The following DOCK6 variants were observed in gnomAD, a reference collection of about 807,000 sequenced individuals.
DOCK6 encodes dedicator of cytokinesis 6.
In DOCK6, 167 loss-of-function variants were observed where a neutral mutation model predicts 230.3. The ratio of observed to expected loss-of-function variants is 0.73; its 90% CI spans 0.64 to 0.82. DOCK6 has a LOEUF of 0.82. Among genes scored for constraint, DOCK6 ranks in the 40% least tolerant of loss-of-function variants. DOCK6 has a pLI of 0.00. For synonymous variants in DOCK6, 1,148 were observed against 1,185.0 expected (o/e 0.97, Z 0.64); for missense variants, 2,598 against 2,825.8 (o/e 0.92, Z 1.83).
intron 1 of DOCK6, among the ~76,000 whole-genome samples, chr19:11,258,318 G>C (rs1483837467): frequency 1.3e-5 from 2 of 152,186 alleles, no homozygotes; most frequent in African/African-American, 4.8e-5. Flanking sequence ...ATGCGGGAGG[G>C]AGCCAGGAAG....
intron 14 of DOCK6, among the ~76,000 whole-genome samples, chr19:11,239,298 T>G (rs1271462585): frequency 6.6e-6 from 1 of 152,192 alleles, no homozygotes; most frequent in East Asian, 1.9e-4. Context: ...AAACCATCAA[T>G]GCTTATAAAA....
At chr19:11,216,853 T>C (rs1291574889) in intron 30 of DOCK6, 61 bp downstream of exon 30, 1 of 1,566,486 alleles carries the variant, frequency 6.4e-7, no homozygotes, top group East Asian at 2.2e-5. Context: ...CGCAGCACGC[T>C]GGGTCCCTGG....
At chr19:11,208,861 T>C in intron 38 of DOCK6, 32 bp from the exon 39 acceptor site, 1 of 1,604,820 alleles carries the variant, frequency 6.2e-7, no homozygotes, top group South Asian at 1.1e-5. Flanking sequence ...CAGACCCTGG[T>C]CCCCACTGCA....
chr19:11,222,168 G>T lies in DOCK6; in HGVS notation c.3321C>A (p.His1107Gln), dbSNP rs1311054867. 7 of 1,611,266 alleles carry T rather than the reference G, an allele frequency of 4.3e-6. No individual in the cohort carries two copies. The change falls in exon 27 of 48, where the codon CAC (histidine) becomes CAA (glutamine). Residue 1107 changes from histidine (H) to glutamine (Q), a missense_variant. Coordinates refer to ENST00000294618, the MANE Select transcript of DOCK6 (RefSeq NM_020812.4). The surrounding 1 kb of genome is among the most constrained non-coding windows in gnomAD (Gnocchi z 4.0). ...CCGTCAGCAGGAGCCCAGCTAGGAA[G>T]TGCTGCTGCCGGAATGGTCCACTCA... ...FELSGPFRQQ[H>Q]FLAGLLLTEL...
rs202108872 is a variant in DOCK6, at chr19:11,235,571, G to A, written c.2554+27C>T. On this transcript the variant is annotated intron_variant, in intron 21 of 47. Coordinates refer to ENST00000294618, the MANE Select transcript of DOCK6 (RefSeq NM_020812.4). ...CAGCCTCTTCTCCCAGATATTTCTC[G>A]TCTCACAGGGATTTCTACAAACTCA... 2.5e-4 allele frequency: 393 copies of A among 1,548,208 alleles called. No homozygotes were observed. In the African/African-American group the frequency reaches 4.5e-3, roughly 18 times the overall value.
chr19:11,226,047 C>T (rs2079659238), intron 24 of DOCK6, among the ~76,000 whole-genome samples: 1 of 151,864 alleles, frequency 6.6e-6, no homozygotes, highest in Non-Finnish European at 1.5e-5. Flanking sequence ...TATCTCCAAA[C>T]AAAAACAAAA....
intron 2 of DOCK6, 113 bp from the exon 3 acceptor site, chr19:11,253,071 C>T: frequency 9.4e-7 from 1 of 1,067,298 alleles, no homozygotes; most frequent in African/African-American, 1.6e-5. Context: ...GCGGTGGGAG[C>T]CATGGAGGGT....
At chr19:11,214,509 C>G (rs758587154) in intron 33 of DOCK6, 44 bp downstream of exon 33, 1 of 1,613,112 alleles carries the variant, frequency 6.2e-7, no homozygotes, top group Non-Finnish European at 8.5e-7. Flanking sequence ...CAGGGCACTG[C>G]AGTTGGGCTC....
At chr19:11,232,185 C>A in intron 22 of DOCK6, 2 of 1,288,682 alleles carry the variant, frequency 1.6e-6, no homozygotes, top group Non-Finnish European at 2.0e-6. Context: ...GGAAGGGCAC[C>A]TGTCTGGGGT....
Position 11,238,034 on chromosome 19 carries a change from C to T in DOCK6, c.1832+11G>A, listed in dbSNP as rs1211555905. On this transcript the variant is annotated intron_variant, in intron 16 of 47. Transcript: ENST00000294618. ...AGTGCCCCCAAGTTCCTCACGTGTC[C>T]CCCTACATACTTGTTATGGTAGACC... 2 of 1,613,602 alleles carry T rather than the reference C, an allele frequency of 1.2e-6. No homozygotes were observed. The highest frequency in any genetic ancestry group is 8.5e-7 in the Non-Finnish European group (1 of 1,179,754).
At chr19:11,232,356 G>A (rs961359535) in intron 22 of DOCK6, 1 of 1,209,534 alleles carries the variant, frequency 8.3e-7, no homozygotes, top group Admixed American at 2.3e-5. Context: ...GAAATACCAA[G>A]CGTGGACATG....
In DOCK6 at chr19:11,200,543, C is replaced by G; in HGVS notation, c.5940-74G>C. ...AAAGCAAGACTAGGGGTGGGGGCAC[C>G]CATAAGGCGGGACCAGGCCTGCAGA... is the stretch of plus-strand genomic sequence containing the variant. On this transcript the variant is annotated intron_variant, in intron 46 of 47. Transcript: ENST00000294618. The surrounding 1 kb of genome is among the most constrained non-coding windows in gnomAD (Gnocchi z 4.3). The G allele has an allele frequency of 6.4e-7, 1 of 1,561,574 alleles. No individual in the cohort carries two copies. The highest frequency in any genetic ancestry group is 1.2e-5 in the South Asian group (1 of 85,428).
chr19:11,241,899 T>C, intron 14 of DOCK6, 146 bp downstream of exon 14: 1 of 1,276,140 alleles, frequency 7.8e-7, no homozygotes, highest in South Asian at 1.4e-5. Flanking sequence ...CATGTACCCT[T>C]TCATGCCTAC....
chr19:11,201,818 C>A lies in DOCK6; in HGVS notation c.5688+71G>T. 7.5e-7 allele frequency: 1 copy of A among 1,341,120 alleles called. No homozygotes were observed. The highest frequency in any genetic ancestry group is 1.0e-6 in the Non-Finnish European group (1 of 982,780). The allele number at this position is 1,341,120 out of a possible 1,614,324, so 83.1% of individuals were successfully genotyped here. ...TTGGGTCTGGGTCCCTGTGTCTACC[C>A]TCCCCTCCCCTCCCAGGGTCTGATG... On this transcript the variant is annotated intron_variant, in intron 44 of 47. Coordinates refer to ENST00000294618, the MANE Select transcript of DOCK6 (RefSeq NM_020812.4). The surrounding 1 kb of genome is among the most constrained non-coding windows in gnomAD (Gnocchi z 4.3).
intron 4 of DOCK6, 46 bp downstream of exon 4, chr19:11,252,436 C>A: frequency 6.2e-7 from 1 of 1,609,414 alleles, no homozygotes; most frequent in African/African-American, 1.3e-5. Context: ...TCAGCTCAGC[C>A]CTTTTGGGTT....
chr19:11,232,649 T>C (rs961301556), intron 22 of DOCK6, among the ~76,000 whole-genome samples: 2 of 152,086 alleles, frequency 1.3e-5, no homozygotes, highest in Non-Finnish European at 2.9e-5. Context: ...TGAATGTGTA[T>C]ACGCACCCGT....
Position 11,235,374 on chromosome 19 carries a change from T to C in DOCK6, c.2554+224A>G, listed in dbSNP as rs186996085. 2.0e-5 allele frequency among the ~76,000 whole-genome samples: 3 copies of C among 152,198 alleles called. No individual in the cohort carries two copies. The East Asian group carries it at 5.8e-4, about 29-fold the overall frequency. ...ATCCCCCTGCCTTGGCCTCCTAAAGTGCTGGGATTATAGGCATTAGCCACC... is the reference window on the plus strand; with the variant it reads ...ATCCCCCTGCCTTGGCCTCCTAAAGCGCTGGGATTATAGGCATTAGCCACC... On this transcript the variant is annotated intron_variant, in intron 21 of 47. Transcript: ENST00000294618.
rs755734341 is a variant in DOCK6 at position 11,213,219 on chromosome 19, G to A, written c.4448C>T (p.Ala1483Val). ...CTGTCGCATGAGCAGGTACAGCGAG[G>A]CGCTGGCGTGCGTGCGGATGGTGCT... ...RISTIRTHASASLYLLMRQNF... is the reference protein window; with the variant it reads ...RISTIRTHASVSLYLLMRQNF... Residue 1483 changes from alanine (A) to valine (V), a missense_variant, in exon 35 of 48, where the codon GCC becomes GTC. Transcript: ENST00000294618. 1.6e-5 allele frequency: 26 copies of A among 1,613,178 alleles called. No individual in the cohort carries two copies. In the South Asian group the frequency reaches 2.7e-4, roughly 17 times the overall value.
At chr19:11,255,809 C>T (rs550478469) in intron 1 of DOCK6, among the ~76,000 whole-genome samples, 100 of 152,070 alleles carry the variant, frequency 6.6e-4, no homozygotes, top group African/African-American at 2.1e-3. Flanking sequence ...CTTTTTGAGA[C>T]GGAGTCTCGA....
Sources: allele counts gnomAD v4.1 joint callset (sites outside exome capture counted in the v4.1 genomes callset), GRCh38; gene constraint gnomAD v4.1.1; non-coding constraint Gnocchi (gnomAD v3.1); transcripts MANE v1.5; gene names NCBI Gene and HGNC (gene_info 2026-07-23, HGNC 2026-07-21).